Variants in PCED1B observed in about 807,000 individuals in gnomAD.
The protein encoded by PCED1B is PC-esterase domain containing 1B.
For missense variants in PCED1B, 573 were observed against 573.9 expected (o/e 1.00, Z 0.02); for synonymous variants, 251 against 246.1 (o/e 1.02, Z -0.19).
chr12:47,154,808 T>C (rs917470573), intron 2 of PCED1B, among the ~76,000 whole-genome samples: 25 of 143,476 alleles, frequency 1.7e-4, no homozygotes, highest in South Asian at 4.7e-4. Context: ...TGTGTGTGTG[T>C]GTGCATCTTC....
At chr12:47,166,625 C>A (rs1431818638) in intron 2 of PCED1B, among the ~76,000 whole-genome samples, 1 of 152,156 alleles carries the variant, frequency 6.6e-6, no homozygotes, top group Non-Finnish European at 1.5e-5. Context: ...TGATGCTCTG[C>A]TCATCTCAAT....
intron 2 of PCED1B, among the ~76,000 whole-genome samples, chr12:47,196,508 T>TA (rs1247560025): frequency 3.3e-5 from 5 of 152,190 alleles, no homozygotes; most frequent in African/African-American, 1.2e-4. Context: ...AGAAACAATT[T>TA]AAAAACACTG....
chr12:47,217,472 G>GAAAA (rs369250575), intron 3 of PCED1B, among the ~76,000 whole-genome samples: 1 of 49,630 alleles, frequency 2.0e-5, no homozygotes, highest in South Asian at 5.6e-4. Flanking sequence ...GAAAGAAAGA[G>GAAAA]AAAGAAAGAA....
chr12:47,185,192 A>C (rs1326814647), intron 2 of PCED1B, among the ~76,000 whole-genome samples: 2 of 152,234 alleles, frequency 1.3e-5, no homozygotes, highest in East Asian at 3.8e-4. Context: ...AGATACCTGC[A>C]AATGTGGCCT....
intron 2 of PCED1B, among the ~76,000 whole-genome samples, chr12:47,131,037 C>T (rs546260682): frequency 2.0e-5 from 3 of 152,142 alleles, no homozygotes; most frequent in African/African-American, 4.8e-5. Flanking sequence ...TTCAGTCATC[C>T]GCCAAAAACA....
chr12:47,166,654 A>G (rs1941553851), intron 2 of PCED1B, among the ~76,000 whole-genome samples: 2 of 152,240 alleles, frequency 1.3e-5, no homozygotes, highest in South Asian at 2.1e-4. Context: ...CTGTAAAACA[A>G]AAGAATCAAA....
chr12:47,087,717 G>A (rs1429905487), intron 1 of PCED1B, among the ~76,000 whole-genome samples: 1 of 152,084 alleles, frequency 6.6e-6, no homozygotes, highest in African/African-American at 2.4e-5. Context: ...CATTTTGTTG[G>A]AAAAGTATCT....
chr12:47,095,370 T>C (rs887146799), intron 1 of PCED1B, among the ~76,000 whole-genome samples: 1 of 152,100 alleles, frequency 6.6e-6, no homozygotes, highest in Non-Finnish European at 1.5e-5. Context: ...GCTTTTATGA[T>C]TTTTCTCTTT....
intron 1 of PCED1B, among the ~76,000 whole-genome samples, chr12:47,084,203 T>C (rs1000543811): frequency 6.6e-6 from 1 of 152,222 alleles, no homozygotes; most frequent in Non-Finnish European, 1.5e-5. Context: ...TAGCCTACAG[T>C]TGAGCAAAAT....
intron 2 of PCED1B, among the ~76,000 whole-genome samples, chr12:47,182,277 C>T (rs967971163): frequency 1.3e-5 from 2 of 152,124 alleles, no homozygotes; most frequent in African/African-American, 4.8e-5. Flanking sequence ...AATAGACCTA[C>T]AGTATTGAGA....
chr12:47,181,768 G>GA (rs35706894), intron 2 of PCED1B, among the ~76,000 whole-genome samples: 372 of 142,326 alleles, frequency 2.6e-3, no homozygotes, highest in Admixed American at 3.0e-3. Flanking sequence ...CTCCTCTACT[G>GA]AAAAAAAAAA....
At position 47,236,279 on chromosome 12, in the gene PCED1B, C is replaced by T. The variant is rs112959993; in HGVS notation, c.1216C>T (p.Arg406Cys). 3.7e-6 allele frequency: 6 copies of T among 1,614,160 alleles called. No individual in the cohort carries two copies. The African/African-American group carries it at 4.0e-5, about 11-fold the overall frequency. ...TAGGGGTTTTGGCAGGTATCGTCCCCGTGGCCCCTATACGCCCTGGGGACA... is the reference window on the plus strand; with the variant it reads ...TAGGGGTTTTGGCAGGTATCGTCCCTGTGGCCCCTATACGCCCTGGGGACA... ...VHRGFGRYRP[R>C]GPYTPWGQRP... is the part of the protein sequence containing the mutation. The change falls in exon 4 of 4, where the codon CGT (arginine) becomes TGT (cysteine). Residue 406 changes from arginine to cysteine, a missense_variant. Transcript: ENST00000546455.
chr12:47,129,688 G>C (rs1465348869), intron 2 of PCED1B, among the ~76,000 whole-genome samples: 2 of 152,108 alleles, frequency 1.3e-5, no homozygotes, highest in Admixed American at 1.3e-4. Context: ...AGTCTAAAGA[G>C]AGCTCCTGAA....
Position 47,187,269 on chromosome 12 carries a change from A to G in PCED1B, c.-525-28953A>G, listed in dbSNP as rs144818672. ...TGACACTATGTGAGAGATAGTGTTC[A>G]TAGGGAGAGACCATGGGATCTTACC... On this transcript the variant is annotated intron_variant, in intron 2 of 3. Coordinates refer to ENST00000546455, the MANE Select transcript of PCED1B (RefSeq NM_138371.3). Among the ~76,000 whole-genome samples, 652 of 152,318 alleles carry G rather than the reference A, an allele frequency of 4.3e-3. 1 individual carries two copies. The highest frequency in any genetic ancestry group is 0.015 in the African/African-American group (603 of 41,564).
intron 3 of PCED1B, among the ~76,000 whole-genome samples, chr12:47,221,306 A>G (rs915229721): frequency 2.4e-5 from 3 of 124,788 alleles, no homozygotes; most frequent in African/African-American, 8.6e-5. Context: ...AAATATATAT[A>G]TTGTTTCCAA....
chr12:47,196,842 T>TA (rs1311878717), intron 2 of PCED1B, among the ~76,000 whole-genome samples: 1 of 151,010 alleles, frequency 6.6e-6, no homozygotes, highest in Non-Finnish European at 1.5e-5. Flanking sequence ...AAAAAATATA[T>TA]AAAAAATAAA....
intron 2 of PCED1B, among the ~76,000 whole-genome samples, chr12:47,168,432 TTC>T (rs1313394789): frequency 6.6e-6 from 1 of 152,206 alleles, no homozygotes; most frequent in Admixed American, 6.5e-5. Flanking sequence ...TTGTGTATGT[TTC>T]TCTTAGTCAG....
chr12:47,129,984 T>G (rs925767293), intron 2 of PCED1B, among the ~76,000 whole-genome samples: 8 of 152,354 alleles, frequency 5.3e-5, no homozygotes, highest in Non-Finnish European at 1.0e-4. Flanking sequence ...AAGAAGAGAC[T>G]TAGTAGGTAA....
intron 2 of PCED1B, among the ~76,000 whole-genome samples, chr12:47,118,753 TG>T (rs1826000563): frequency 6.6e-6 from 1 of 152,210 alleles, no homozygotes; most frequent in Non-Finnish European, 1.5e-5. Context: ...TTGATGGGGA[TG>T]GCATTGAATC....
Sources: allele counts gnomAD v4.1 joint callset (sites outside exome capture counted in the v4.1 genomes callset), GRCh38; gene constraint gnomAD v4.1.1; transcripts MANE v1.5; gene names NCBI Gene and HGNC (gene_info 2026-07-23, HGNC 2026-07-21).